ARHGEF7: variants seen among roughly 807,000 people sequenced by gnomAD.
ARHGEF7 encodes the protein Rho guanine nucleotide exchange factor 7, also known as PAK-interacting exchange factor beta.
In ARHGEF7, 33 loss-of-function variants were observed where a neutral mutation model predicts 109.8. The ratio of observed to expected loss-of-function variants is 0.30; its 90% CI spans 0.23 to 0.40. The LOEUF is 0.40. Ranked by LOEUF, ARHGEF7 falls within the 10% of genes least tolerant of loss-of-function variation. The pLI is 1.00. For missense variants in ARHGEF7, 938 were observed against 1,098.5 expected (o/e 0.85, Z 2.07); for synonymous variants, 458 against 424.6 (o/e 1.08, Z -0.97).
At chr13:111,250,159 T>G (rs983756596) in intron 8 of ARHGEF7, among the ~76,000 whole-genome samples, 1 of 152,252 alleles carries the variant, frequency 6.6e-6, no homozygotes. Context: ...GCATGCTTTG[T>G]CTAGGCTTTC....
Position 111,275,921 on chromosome 13 carries a change from C to T in ARHGEF7, c.1419+243C>T, listed in dbSNP as rs141857068. 5.0e-5 allele frequency: 24 copies of T among 484,814 alleles called. No individual in the cohort carries two copies. In the East Asian group the frequency reaches 7.0e-4, roughly 14 times the overall value. The allele number at this position is 484,814 out of a possible 1,614,324, so 30.0% of individuals were successfully genotyped here. A position where few individuals can be genotyped will look rare whatever the true frequency, so the allele number is the denominator to read the frequency against. On this transcript the variant is annotated intron_variant, in intron 12 of 21. Transcript: ENST00000646102. ...TGAAGTCAGTGTGGCCCGAAGCCCA[C>T]GTGAACTGAAGGATAGATAGTGTGC...
chr13:111,115,486 A>C lies in ARHGEF7; in HGVS notation c.-41A>C. ...CGGGCCGGGCCGCCGCTCCGAGGTG[A>C]AGGCGCGCGCCCCTCCCCGCCTGCC... On this transcript the variant is annotated 5_prime_UTR_variant, in exon 1 of 22. It removes the in-frame stop codon of an upstream open reading frame in the 5' UTR. Transcript: ENST00000646102. 8.8e-7 allele frequency: 1 copy of C among 1,136,966 alleles called. No individual in the cohort carries two copies. Among genetic ancestry groups the C allele is most frequent in the Non-Finnish European group, 1.1e-6 (1 of 917,836 alleles). 70.4% of individuals were successfully genotyped at this position (1,136,966 alleles called of 1,614,324 possible). A position where few individuals can be genotyped will look rare whatever the true frequency, so the allele number is the denominator to read the frequency against.
chr13:111,282,417 A>G (rs1013559273), intron 15 of ARHGEF7, among the ~76,000 whole-genome samples: 8 of 152,250 alleles, frequency 5.3e-5, no homozygotes, highest in Non-Finnish European at 8.8e-5. Context: ...CCAGGAATAT[A>G]AAATGCATTA....
At chr13:111,133,045 TACACATATGTATGC>T (rs1351103615) in intron 1 of ARHGEF7, among the ~76,000 whole-genome samples, 1 of 151,892 alleles carries the variant, frequency 6.6e-6, no homozygotes, top group Non-Finnish European at 1.5e-5. Flanking sequence ...CACATGCATA[TACACATATGTATGC>T]ACACATATAC....
intron 2 of ARHGEF7, among the ~76,000 whole-genome samples, chr13:111,184,785 G>C (rs2079084457): frequency 6.6e-6 from 1 of 152,196 alleles, no homozygotes; most frequent in Admixed American, 6.5e-5. Flanking sequence ...GGAGGGGACT[G>C]TGCAGTCCTG....
chr13:111,118,793 C>T (rs2066976482), intron 1 of ARHGEF7, among the ~76,000 whole-genome samples: 1 of 152,148 alleles, frequency 6.6e-6, no homozygotes, highest in Admixed American at 6.5e-5. Flanking sequence ...GTGAATGCAA[C>T]AAATGAAGTC....
intron 2 of ARHGEF7, among the ~76,000 whole-genome samples, chr13:111,181,500 GT>G (rs201001504): frequency 6.6e-6 from 1 of 151,960 alleles, no homozygotes; most frequent in Non-Finnish European, 1.5e-5. Context: ...GATAGATCAT[GT>G]TTTTTTTAAA....
At chr13:111,221,243 G>GACA (rs1566869238) in intron 5 of ARHGEF7, among the ~76,000 whole-genome samples, 3 of 29,976 alleles carry the variant, frequency 1.0e-4, no homozygotes, top group African/African-American at 4.4e-4. Context: ...AGATATATAT[G>GACA]TCTATATATA....
In ARHGEF7 at chr13:111,241,935, G is replaced by C. The variant is rs1312458552; in HGVS notation, c.760-1937G>C. On this transcript the variant is annotated intron_variant, in intron 6 of 21. Transcript: ENST00000646102. ...TTAGCTCAAGATCTCATTATGCTTGGCTGGCTTCCCCTGTTGTTCTGGAGG... is the reference window on the plus strand; with the variant it reads ...TTAGCTCAAGATCTCATTATGCTTGCCTGGCTTCCCCTGTTGTTCTGGAGG... Among the ~76,000 whole-genome samples the C allele has an allele frequency of 2.6e-5, 4 of 152,110 alleles. No homozygotes were observed. In the East Asian group the frequency reaches 7.7e-4, roughly 29 times the overall value.
intron 2 of ARHGEF7, among the ~76,000 whole-genome samples, chr13:111,161,042 G>A (rs2076702029): frequency 6.6e-6 from 1 of 152,176 alleles, no homozygotes; most frequent in Non-Finnish European, 1.5e-5. Flanking sequence ...ACACTCAAAG[G>A]AAATGCTCAT....
Position 111,305,374 on chromosome 13 carries a change from C to T in ARHGEF7, c.*2261C>T, listed in dbSNP as rs1803501. On this transcript the variant is annotated 3_prime_UTR_variant, in exon 22 of 22. Coordinates refer to ENST00000646102, the MANE Select transcript of ARHGEF7 (RefSeq NM_001354046.2). ...GGGGCCACGATTTGCCCGAGGGTTA[C>T]TCCTTTGCTCTCACCTTGTATGGAT... 6.6e-6 allele frequency: 1 copy of T among 152,244 alleles called. No individual in the cohort carries two copies. Among genetic ancestry groups the T allele is most frequent in the Non-Finnish European group, 1.5e-5 (1 of 68,048 alleles). The allele number at this position is 152,244 out of a possible 1,614,324, so 9.4% of individuals were successfully genotyped here. A position where few individuals can be genotyped will look rare whatever the true frequency, so the allele number is the denominator to read the frequency against.
At chr13:111,200,121 T>C (rs2002308) in intron 2 of ARHGEF7, among the ~76,000 whole-genome samples, 16,361 of 152,140 alleles carry the variant, frequency 0.11, 1,200 homozygotes, top group Middle Eastern at 0.16. Flanking sequence ...TCTTTCTGTG[T>C]CTGTGGACAT....
chr13:111,148,147 T>G (rs1361001175), intron 1 of ARHGEF7, among the ~76,000 whole-genome samples: 1 of 152,246 alleles, frequency 6.6e-6, no homozygotes, highest in Non-Finnish European at 1.5e-5. Context: ...TCTCACTCTT[T>G]GCATTCACCG....
intron 8 of ARHGEF7, 34 bp from the exon 9 acceptor site, chr13:111,267,514 G>T: frequency 6.2e-7 from 1 of 1,611,980 alleles, no homozygotes. Context: ...CTGTAAAACT[G>T]ATGACTATTT....
intron 1 of ARHGEF7, among the ~76,000 whole-genome samples, chr13:111,136,645 A>G (rs2075102166): frequency 6.6e-6 from 1 of 152,230 alleles, no homozygotes; most frequent in South Asian, 2.1e-4. Flanking sequence ...GAAAGCAGGA[A>G]AGATCTAAAA....
At chr13:111,180,197 A>G (rs562696012) in intron 2 of ARHGEF7, among the ~76,000 whole-genome samples, 1 of 152,288 alleles carries the variant, frequency 6.6e-6, no homozygotes, top group East Asian at 1.9e-4. Context: ...GGGAGAGGAG[A>G]AAATGTTACT....
chr13:111,303,296 T>G lies in ARHGEF7; in HGVS notation c.*183T>G. ...AGACGATCAAACCATGACTGATGAA[T>G]CCAGACAGGAGGGATTGACTCTGAG... On this transcript the variant is annotated 3_prime_UTR_variant, in exon 22 of 22. Transcript: ENST00000646102. 1 of 528,854 alleles carries G rather than the reference T, an allele frequency of 1.9e-6. No homozygotes were observed. The highest frequency in any genetic ancestry group is 3.2e-6 in the Non-Finnish European group (1 of 308,564). The allele number at this position is 528,854 out of a possible 1,614,324, so 32.8% of individuals were successfully genotyped here. A position where few individuals can be genotyped will look rare whatever the true frequency, so the allele number is the denominator to read the frequency against.
chr13:111,115,395 G>T lies in ARHGEF7; in HGVS notation c.-132G>T. ...CGGGCCGGGCCGGACCTGCTGGGCCGCGCCGAGCCAATCGCCGGCGCCGGC... is the reference window on the plus strand; with the variant it reads ...CGGGCCGGGCCGGACCTGCTGGGCCTCGCCGAGCCAATCGCCGGCGCCGGC... On this transcript the variant is annotated 5_prime_UTR_variant, in exon 1 of 22. Coordinates refer to ENST00000646102, the MANE Select transcript of ARHGEF7 (RefSeq NM_001354046.2). 1 of 562,656 alleles carries T rather than the reference G, an allele frequency of 1.8e-6. No homozygotes were observed. Among genetic ancestry groups the T allele is most frequent in the South Asian group, 7.4e-5 (1 of 13,572 alleles). 34.9% of individuals were successfully genotyped at this position (562,656 alleles called of 1,614,324 possible).
intron 4 of ARHGEF7, among the ~76,000 whole-genome samples, chr13:111,214,876 A>G (rs945522182): frequency 6.6e-6 from 1 of 152,216 alleles, no homozygotes; most frequent in African/African-American, 2.4e-5. Flanking sequence ...TAAGTATTAA[A>G]TATTTTTGGA....
Sources: allele counts gnomAD v4.1 joint callset (sites outside exome capture counted in the v4.1 genomes callset), GRCh38; gene constraint gnomAD v4.1.1; transcripts MANE v1.5; gene names NCBI Gene and HGNC (gene_info 2026-07-23, HGNC 2026-07-21).